GTF2A1: variants seen among roughly 807,000 people sequenced by gnomAD.
The protein encoded by GTF2A1 is transcription initiation factor IIA subunit 1.
In GTF2A1, 12 loss-of-function variants were observed where a neutral mutation model predicts 54.1. That is an observed-to-expected ratio of 0.22 (90% CI 0.14 to 0.36). GTF2A1 has a LOEUF of 0.36. GTF2A1 is among the 10% of genes least tolerant of loss of function. GTF2A1 has a pLI of 1.00. For missense variants in GTF2A1, 335 were observed against 442.2 expected, an observed-to-expected ratio of 0.76 and a Z score of 2.17; for synonymous variants, 145 against 152.0, an observed-to-expected ratio of 0.95 and a Z score of 0.34.
At position 81,190,048 on chromosome 14, in the gene GTF2A1, T is replaced by C. The variant is rs553245562; in HGVS notation, c.933+2471A>G. Among the ~76,000 whole-genome samples the C allele has an allele frequency of 6.6e-5, 10 of 152,040 alleles. No homozygotes were observed. The South Asian group carries it at 2.1e-3, about 32-fold the overall frequency. ...ACAATAATTATATTAGGAATGAAGA[T>C]GACAAAGGATTCTGGCATCAAAAAG... is the stretch of plus-strand genomic sequence containing the variant. On this transcript the variant is annotated intron_variant, in intron 7 of 8. Transcript: ENST00000553612.
chr14:81,191,640 G>A (rs1566853564), intron 7 of GTF2A1, among the ~76,000 whole-genome samples: 1 of 151,916 alleles, frequency 6.6e-6, no homozygotes, highest in Non-Finnish European at 1.5e-5. Context: ...AAATATAAAA[G>A]CAATTAATAA....
chr14:81,195,397 G>A (rs1892970546), intron 6 of GTF2A1, among the ~76,000 whole-genome samples: 1 of 151,800 alleles, frequency 6.6e-6, no homozygotes, highest in Non-Finnish European at 1.5e-5. Context: ...ACTTTGGGAG[G>A]CCGAGGCGGG....
chr14:81,195,796 C>T (rs564910417), intron 6 of GTF2A1, among the ~76,000 whole-genome samples: 1 of 151,984 alleles, frequency 6.6e-6, no homozygotes, highest in Admixed American at 6.6e-5. Flanking sequence ...ATCCCCTGAC[C>T]CTTGTGAATA....
chr14:81,213,889 C>A (rs142404721), intron 2 of GTF2A1, among the ~76,000 whole-genome samples: 2,615 of 150,406 alleles, frequency 0.017, 63 homozygotes, highest in Admixed American at 0.067. Context: ...GTCACCCAGG[C>A]TGCAGTGTAG....
chr14:81,206,372 G>A (rs1029848559), intron 2 of GTF2A1, among the ~76,000 whole-genome samples: 2 of 152,144 alleles, frequency 1.3e-5, no homozygotes, highest in African/African-American at 4.8e-5. Flanking sequence ...TAGTAATGTA[G>A]TGACTCAACT....
At chr14:81,189,624 T>A (rs966411674) in intron 7 of GTF2A1, among the ~76,000 whole-genome samples, 1 of 151,860 alleles carries the variant, frequency 6.6e-6, no homozygotes, top group East Asian at 1.9e-4. Flanking sequence ...TGAGCAGAGA[T>A]AGTGCCACTG....
chr14:81,186,555 A>G (rs1378602523), intron 7 of GTF2A1, among the ~76,000 whole-genome samples: 4 of 152,248 alleles, frequency 2.6e-5, no homozygotes, highest in Admixed American at 2.6e-4. Context: ...AACCATGTTA[A>G]ATTTCGCTTC....
intron 2 of GTF2A1, among the ~76,000 whole-genome samples, chr14:81,215,099 A>T (rs1032814613): frequency 6.6e-6 from 1 of 152,224 alleles, no homozygotes; most frequent in Non-Finnish European, 1.5e-5. Flanking sequence ...AACATTATGC[A>T]TTGGATATTC....
intron 2 of GTF2A1, among the ~76,000 whole-genome samples, chr14:81,215,736 A>G (rs1477710965): frequency 6.6e-6 from 1 of 152,168 alleles, no homozygotes; most frequent in Non-Finnish European, 1.5e-5. Flanking sequence ...TAAGACCATT[A>G]AAAAAAGATA....
In GTF2A1 at chr14:81,220,791, C is replaced by A; in HGVS notation, c.-273G>T. On this transcript the variant is annotated 5_prime_UTR_variant, in exon 1 of 9. Transcript: ENST00000553612. The stretch of plus-strand genomic sequence containing the variant: ...AGGGGTCCGGGGGGCGTTGCCCGCT[C>A]CCCACCCCGCGCCAAGGAGGGAAAC... The A allele has an allele frequency of 2.9e-6, 1 of 349,734 alleles. No homozygotes were observed. Among genetic ancestry groups the A allele is most frequent in the South Asian group, 8.7e-5 (1 of 11,514 alleles). 21.7% of individuals were successfully genotyped at this position (349,734 alleles called of 1,614,324 possible). A position where few individuals can be genotyped will look rare whatever the true frequency, so the allele number is the denominator to read the frequency against.
At chr14:81,201,519 G>A (rs1218119040) in intron 4 of GTF2A1, 75 bp downstream of exon 4, 4 of 829,166 alleles carry the variant, frequency 4.8e-6, no homozygotes, top group Middle Eastern at 2.3e-4. Context: ...GTTAATATAG[G>A]ACATATATAG....
chr14:81,199,534 C>T (rs1893059092), intron 4 of GTF2A1, among the ~76,000 whole-genome samples: 1 of 152,090 alleles, frequency 6.6e-6, no homozygotes, highest in Non-Finnish European at 1.5e-5. Flanking sequence ...TTTGCTATTT[C>T]TAAATCAGAA....
intron 7 of GTF2A1, among the ~76,000 whole-genome samples, chr14:81,190,073 G>T (rs1892841771): frequency 3.3e-5 from 5 of 151,972 alleles, no homozygotes; most frequent in Non-Finnish European, 7.4e-5. Context: ...GCATCAAAAA[G>T]ACAATATCAT....
intron 2 of GTF2A1, among the ~76,000 whole-genome samples, chr14:81,210,426 G>A (rs1893337690): frequency 6.6e-6 from 1 of 152,032 alleles, no homozygotes; most frequent in African/African-American, 2.4e-5. Context: ...CAGCACTTTG[G>A]GAGGCTGAGG....
intron 2 of GTF2A1, among the ~76,000 whole-genome samples, chr14:81,210,346 A>G (rs1319251301): frequency 1.3e-5 from 2 of 152,152 alleles, no homozygotes; most frequent in East Asian, 3.9e-4. Context: ...TCTTAATTTT[A>G]TTTATCAAAA....
chr14:81,182,469 T>C (rs1892659857), intron 8 of GTF2A1, among the ~76,000 whole-genome samples: 1 of 152,198 alleles, frequency 6.6e-6, no homozygotes, highest in Non-Finnish European at 1.5e-5. Context: ...TTTTCTTTTC[T>C]ACCACAAATC....
rs115156673 is a variant in GTF2A1 at position 81,204,230 on chromosome 14, C to A, written c.133-126G>T. ...AACTGATACAGACACAGAAATACAACAAATCTGTAATTCTAACCCAAGTGA... is the reference window on the plus strand; with the variant it reads ...AACTGATACAGACACAGAAATACAAAAAATCTGTAATTCTAACCCAAGTGA... On this transcript the variant is annotated intron_variant, in intron 2 of 8. Coordinates refer to ENST00000553612, the MANE Select transcript of GTF2A1 (RefSeq NM_015859.4). 5,239 of 799,598 alleles carry A rather than the reference C, an allele frequency of 6.6e-3. 152 individuals are homozygous for A. The African/African-American group carries it at 0.068, about 10-fold the overall frequency. The allele number at this position is 799,598 out of a possible 1,614,324, so 49.5% of individuals were successfully genotyped here.
intron 8 of GTF2A1, among the ~76,000 whole-genome samples, chr14:81,181,505 T>G (rs1892638148): frequency 6.6e-6 from 1 of 152,172 alleles, no homozygotes; most frequent in Admixed American, 6.5e-5. Context: ...GTCTGTTTCA[T>G]ATAATAATGC....
intron 4 of GTF2A1, among the ~76,000 whole-genome samples, chr14:81,198,995 C>T (rs1021184169): frequency 6.6e-6 from 1 of 151,882 alleles, no homozygotes; most frequent in African/African-American, 2.4e-5. Context: ...CCGGGTGATT[C>T]GTATTTAAGT....
Sources: allele counts gnomAD v4.1 joint callset (sites outside exome capture counted in the v4.1 genomes callset), GRCh38; gene constraint gnomAD v4.1.1; transcripts MANE v1.5; gene names NCBI Gene and HGNC (gene_info 2026-07-23, HGNC 2026-07-21).